Variants in CNTN4 observed in about 807,000 individuals in gnomAD.
The protein encoded by CNTN4 is contactin-4.
A neutral mutation model predicts 122.5 loss-of-function variants in CNTN4; 77 were observed. That is an observed-to-expected ratio of 0.63 (90% CI 0.52 to 0.76). The LOEUF is 0.76. CNTN4 is among the 30% of genes least tolerant of loss of function. CNTN4 has a pLI of 0.00. For synonymous variants in CNTN4, 512 were observed against 447.0 expected (o/e 1.15, Z -1.83); for missense variants, 1,256 against 1,259.1 (o/e 1.00, Z 0.04).
At chr3:2,759,072 T>C (rs746746150) in intron 6 of CNTN4, among the ~76,000 whole-genome samples, 71 of 152,178 alleles carry the variant, frequency 4.7e-4, no homozygotes, top group Non-Finnish European at 7.9e-4. Flanking sequence ...GTAAATGAAA[T>C]CGTAATATAT....
At chr3:2,536,993 C>T (rs1177327398) in intron 3 of CNTN4, among the ~76,000 whole-genome samples, 4 of 152,006 alleles carry the variant, frequency 2.6e-5, no homozygotes, top group African/African-American at 9.7e-5. Context: ...CACTCTCTAC[C>T]ATGTAGTGTT....
chr3:2,932,159 C>T (rs1271588824), intron 13 of CNTN4, among the ~76,000 whole-genome samples: 4 of 152,052 alleles, frequency 2.6e-5, no homozygotes, highest in African/African-American at 4.8e-5. Context: ...AGGCGGATCA[C>T]GAGGTCAGGA....
At chr3:2,468,799 A>G (rs2075591458) in intron 3 of CNTN4, among the ~76,000 whole-genome samples, 1 of 152,066 alleles carries the variant, frequency 6.6e-6, no homozygotes, top group East Asian at 1.9e-4. Flanking sequence ...TTCTATCAGA[A>G]TCACATCAGG....
At chr3:2,884,089 C>T (rs949126763) in intron 9 of CNTN4, among the ~76,000 whole-genome samples, 4 of 151,596 alleles carry the variant, frequency 2.6e-5, no homozygotes, top group African/African-American at 9.7e-5. Flanking sequence ...ACTAAGGCAA[C>T]AACAGTAACT....
chr3:2,666,349 C>T (rs904871189), intron 4 of CNTN4, among the ~76,000 whole-genome samples: 1 of 151,880 alleles, frequency 6.6e-6, no homozygotes, highest in Non-Finnish European at 1.5e-5. Flanking sequence ...TATGATTCTT[C>T]AAATAGGTCA....
chr3:2,475,724 A>G (rs2075818545), intron 3 of CNTN4, among the ~76,000 whole-genome samples: 1 of 152,182 alleles, frequency 6.6e-6, no homozygotes, highest in Non-Finnish European at 1.5e-5. Flanking sequence ...TAATGCAAAA[A>G]TAACAACAAT....
At chr3:2,952,980 T>C (rs1460109448) in intron 13 of CNTN4, among the ~76,000 whole-genome samples, 1 of 152,246 alleles carries the variant, frequency 6.6e-6, no homozygotes. Context: ...GTCATTCTGC[T>C]CATTTTGCAC....
intron 3 of CNTN4, among the ~76,000 whole-genome samples, chr3:2,482,722 T>C (rs370527138): frequency 1.3e-5 from 2 of 152,330 alleles, no homozygotes; most frequent in East Asian, 3.9e-4. Flanking sequence ...GGGCATGGCT[T>C]CAGAGGGTGC....
intron 4 of CNTN4, among the ~76,000 whole-genome samples, chr3:2,580,101 C>T (rs1363347985): frequency 6.6e-6 from 1 of 151,966 alleles, no homozygotes; most frequent in Non-Finnish European, 1.5e-5. Context: ...GTGGGTAGAG[C>T]ACTCAGGAAG....
intron 2 of CNTN4, among the ~76,000 whole-genome samples, chr3:2,181,580 C>T (rs1431926104): frequency 1.3e-5 from 2 of 152,044 alleles, no homozygotes; most frequent in Non-Finnish European, 2.9e-5. Flanking sequence ...GCAATTTCCT[C>T]CTGTAACTTT....
At chr3:2,371,400 A>T (rs73807746) in intron 3 of CNTN4, among the ~76,000 whole-genome samples, 1 of 151,698 alleles carries the variant, frequency 6.6e-6, no homozygotes, top group Non-Finnish European at 1.5e-5. Context: ...ACAAACCCCA[A>T]CCCCAATGCT....
intron 12 of CNTN4, among the ~76,000 whole-genome samples, chr3:2,916,525 C>T (rs540983225): frequency 6.2e-4 from 91 of 145,910 alleles, no homozygotes; most frequent in South Asian, 1.8e-3. Flanking sequence ...GGGGGTAAGG[C>T]CATAGATTAA....
intron 4 of CNTN4, among the ~76,000 whole-genome samples, chr3:2,622,243 G>T (rs1179830279): frequency 6.6e-6 from 1 of 152,104 alleles, no homozygotes; most frequent in Non-Finnish European, 1.5e-5. Flanking sequence ...ACTTCCAGAT[G>T]AAAGTCCAGC....
At chr3:2,389,236 C>A (rs558344934) in intron 3 of CNTN4, among the ~76,000 whole-genome samples, 9 of 151,966 alleles carry the variant, frequency 5.9e-5, no homozygotes, top group African/African-American at 1.7e-4. Flanking sequence ...CCAAAGAATA[C>A]CCTTTTCACC....
Position 2,866,967 on chromosome 3 carries a change from T to C in CNTN4, c.652+18T>C. On this transcript the variant is annotated intron_variant, in intron 8 of 24. Transcript: ENST00000418658. ...AAATGATGGTGAGTTTTCAAGTAAT[T>C]TTGTTAATTTTGTTTCTGCAATCAC... 6.2e-7 allele frequency: 1 copy of C among 1,603,512 alleles called. No homozygotes were observed. Among genetic ancestry groups the C allele is most frequent in the Non-Finnish European group, 8.5e-7 (1 of 1,170,918 alleles).
chr3:3,054,329 C>G (rs1701575200), intron 24 of CNTN4, among the ~76,000 whole-genome samples: 1 of 152,178 alleles, frequency 6.6e-6, no homozygotes, highest in South Asian at 2.1e-4. Context: ...GGAACAAGGA[C>G]AAGCATTGTT....
chr3:2,283,349 A>G (rs530433205), intron 2 of CNTN4, among the ~76,000 whole-genome samples: 2 of 152,288 alleles, frequency 1.3e-5, no homozygotes, highest in East Asian at 1.9e-4. Context: ...AACACATATT[A>G]CAATCCTTTA....
chr3:2,423,480 G>GC lies in CNTN4; in HGVS notation c.-89+84247_-89+84248insC, dbSNP rs1157037038. ...TTTCTGAAAGACAGGGTGAAAACTT[G>GC]TTTTTTTTTTTTTTTTCAAATGTGC... On this transcript the variant is annotated intron_variant, in intron 3 of 24. Transcript: ENST00000418658. Among the ~76,000 whole-genome samples the GC allele has an allele frequency of 1.4e-4, 16 of 114,230 alleles. No homozygotes were observed. In the South Asian group the frequency reaches 4.7e-3, roughly 34 times the overall value. The allele number at this position is 114,230 out of a possible 152,430, so 74.9% of individuals were successfully genotyped here.
intron 7 of CNTN4, among the ~76,000 whole-genome samples, chr3:2,834,380 C>T (rs1240841072): frequency 1.3e-5 from 2 of 152,046 alleles, no homozygotes; most frequent in Admixed American, 1.3e-4. Context: ...GCCTGGCCAA[C>T]ATGGTGAAAC....
Sources: allele counts gnomAD v4.1 joint callset (sites outside exome capture counted in the v4.1 genomes callset), GRCh38; gene constraint gnomAD v4.1.1; transcripts MANE v1.5; gene names NCBI Gene and HGNC (gene_info 2026-07-23, HGNC 2026-07-21).